The following HMG20A variants were observed in gnomAD, a reference collection of about 807,000 sequenced individuals.
HMG20A encodes high mobility group 20A, also known as high mobility group protein 20A.
Under a neutral mutation model 43.9 loss-of-function variants are expected in HMG20A, and 17 were observed. The observed-to-expected ratio is 0.39, with a 90% CI of 0.27 to 0.58. The LOEUF (loss-of-function observed/expected upper bound fraction) is 0.58, where lower values mean the gene tolerates loss of function less well. Among genes scored for constraint, HMG20A ranks in the 20% least tolerant of loss-of-function variants. The pLI is 0.59. For synonymous variants in HMG20A, 132 were observed against 147.5 expected (o/e 0.89, Z 0.76); for missense variants, 341 against 438.2 (o/e 0.78, Z 1.98).
chr15:77,478,567 G>C (rs753116503), intron 8 of HMG20A, 57 bp downstream of exon 8: 1 of 1,399,518 alleles, frequency 7.1e-7, no homozygotes, highest in Non-Finnish European at 1.0e-6. Flanking sequence ...TGTGTGGAGT[G>C]GGGTGCTGTT....
Position 77,478,446 on chromosome 15 carries a change from A to G in HMG20A, c.843A>G (p.Leu281=). Reference sequence around the variant, plus strand: ...AGGAGCGGAGCCGCAACACAGTCTTACAGCAGCACCTGGAGACCCTGCGGC... The same window carrying G: ...AGGAGCGGAGCCGCAACACAGTCTTGCAGCAGCACCTGGAGACCCTGCGGC... ...VIQERSRNTV[L]QQHLETLRQV... Residue 281 remains leucine (L), a synonymous_variant, in exon 8 of 10, where the codon TTA becomes TTG. Coordinates refer to ENST00000336216, the MANE Select transcript of HMG20A (RefSeq NM_001304504.2). 1 of 1,612,510 alleles carries G rather than the reference A, an allele frequency of 6.2e-7. No homozygotes were observed. The highest frequency in any genetic ancestry group is 8.5e-7 in the Non-Finnish European group (1 of 1,180,032).
intron 6 of HMG20A, among the ~76,000 whole-genome samples, chr15:77,475,804 T>C (rs1011432339): frequency 6.6e-6 from 1 of 152,192 alleles, no homozygotes; most frequent in African/African-American, 2.4e-5. Context: ...TGGCTAAGAT[T>C]CCTTCTGGAA....
intron 1 of HMG20A, among the ~76,000 whole-genome samples, chr15:77,422,735 G>T (rs1173580682): frequency 6.6e-6 from 1 of 152,040 alleles, no homozygotes; most frequent in Non-Finnish European, 1.5e-5. Context: ...TTTTAAAAAA[G>T]AATCTAAGAC....
At chr15:77,501,436 C>G in the HMG20A span, among the ~76,000 whole-genome samples, 15 of 152,212 alleles carry the variant, frequency 9.9e-5, no homozygotes, top group Non-Finnish European at 1.8e-4. Context: ...GACTCCTCTC[C>G]CTCGGCTTCT....
chr15:77,437,940 GTCT>G (rs898639346), intron 1 of HMG20A, among the ~76,000 whole-genome samples: 3 of 151,594 alleles, frequency 2.0e-5, no homozygotes, highest in Admixed American at 1.3e-4. Flanking sequence ...AAATAACTTT[GTCT>G]TCTTTTCTAG....
At chr15:77,507,985 C>T in the HMG20A span, among the ~76,000 whole-genome samples, 3 of 152,110 alleles carry the variant, frequency 2.0e-5, no homozygotes, top group Non-Finnish European at 2.9e-5. Context: ...GTCTGAGCTT[C>T]CCTTGAAAAA....
At chr15:77,423,189 T>C (rs1203844013) in intron 1 of HMG20A, among the ~76,000 whole-genome samples, 1 of 152,172 alleles carries the variant, frequency 6.6e-6, no homozygotes, top group Admixed American at 6.5e-5. Flanking sequence ...ACTATCTGTT[T>C]AGAAGAAAGC....
At chr15:77,427,064 C>T (rs753538679) in intron 1 of HMG20A, among the ~76,000 whole-genome samples, 6 of 151,996 alleles carry the variant, frequency 3.9e-5, no homozygotes, top group South Asian at 2.1e-4. Context: ...TTCTGTGTTA[C>T]GGTCAGCTGA....
At chr15:77,464,091 G>A (rs1321069149) in intron 2 of HMG20A, 149 bp from the exon 3 acceptor site, 12 of 854,106 alleles carry the variant, frequency 1.4e-5, no homozygotes, top group East Asian at 5.9e-5. Context: ...GCCCTGTAAC[G>A]TCTGTGAATA....
downstream of HMG20A, among the ~76,000 whole-genome samples, chr15:77,488,528 T>C (rs990977219): frequency 6.6e-6 from 1 of 152,172 alleles, no homozygotes; most frequent in African/African-American, 2.4e-5. Context: ...GAGTTTGCAA[T>C]AGAGAGTAGA....
chr15:77,479,018 G>A (rs1430966923), intron 8 of HMG20A, among the ~76,000 whole-genome samples, 161 bp from the exon 9 acceptor site: 2 of 152,194 alleles, frequency 1.3e-5, no homozygotes, highest in African/African-American at 4.8e-5. Context: ...TTTAGAGTAT[G>A]TGGACTAATT....
downstream of HMG20A, among the ~76,000 whole-genome samples, chr15:77,487,083 C>T (rs565697021): frequency 6.6e-4 from 100 of 152,264 alleles, no homozygotes; most frequent in Non-Finnish European, 1.1e-3. Context: ...CTCTGAAATT[C>T]CTGGCAGCAT....
At chr15:77,433,884 G>A (rs1438892661) in intron 1 of HMG20A, among the ~76,000 whole-genome samples, 1 of 152,028 alleles carries the variant, frequency 6.6e-6, no homozygotes, top group Non-Finnish European at 1.5e-5. Flanking sequence ...ATGGAAGGAG[G>A]GACTTACAAG....
chr15:77,442,718 G>A (rs1490207537), intron 1 of HMG20A, among the ~76,000 whole-genome samples: 1 of 152,100 alleles, frequency 6.6e-6, no homozygotes, highest in East Asian at 1.9e-4. Flanking sequence ...TTGTTTTTGA[G>A]ATGGAGTCTT....
chr15:77,432,201 G>A (rs907131213), intron 1 of HMG20A, among the ~76,000 whole-genome samples: 3 of 152,106 alleles, frequency 2.0e-5, no homozygotes, highest in Admixed American at 6.5e-5. Context: ...TAGAAATCAC[G>A]ATGGCAATTA....
chr15:77,489,010 G>A (rs185253839), downstream of HMG20A, among the ~76,000 whole-genome samples: 65 of 152,320 alleles, frequency 4.3e-4, no homozygotes, highest in Admixed American at 9.2e-4. Context: ...CCTTAGGCAA[G>A]TTGCATAAAC....
At chr15:77,457,943 TTC>T (rs1252491354) in intron 1 of HMG20A, among the ~76,000 whole-genome samples, 1 of 152,208 alleles carries the variant, frequency 6.6e-6, no homozygotes, top group Non-Finnish European at 1.5e-5. Flanking sequence ...ACCTTAGATT[TTC>T]TCTGTTTATG....
At chr15:77,468,044 C>A (rs558107797) in intron 4 of HMG20A, among the ~76,000 whole-genome samples, 57 of 152,184 alleles carry the variant, frequency 3.7e-4, no homozygotes, top group Non-Finnish European at 6.5e-4. Context: ...ATTCCAGACA[C>A]ACTAAAACCA....
chr15:77,445,713 C>T (rs2073666679), intron 1 of HMG20A, among the ~76,000 whole-genome samples: 1 of 152,084 alleles, frequency 6.6e-6, no homozygotes, highest in African/African-American at 2.4e-5. Context: ...AACACCAGCC[C>T]TGCGATACTG....
Sources: gnomAD v4.1 joint callset for allele counts (sites outside exome capture counted in the v4.1 genomes callset) on GRCh38, gnomAD v4.1.1 for gene constraint, MANE v1.5 for transcripts, NCBI Gene and HGNC (gene_info 2026-07-23, HGNC 2026-07-21) for gene names.